GPR4: variants seen among roughly 807,000 people sequenced by gnomAD.
The protein encoded by GPR4 is G-prodeshotein coupled receptor 4.
In GPR4, 11 loss-of-function variants were observed where a neutral mutation model predicts 17.8. That is an observed-to-expected ratio of 0.62 (90% CI 0.39 to 1.02). The LOEUF (loss-of-function observed/expected upper bound fraction) is 1.02. Ranked by LOEUF, GPR4 falls within the 50% of genes least tolerant of loss-of-function variation. The pLI is 0.00. For synonymous variants in GPR4, 219 were observed against 222.8 expected (o/e 0.98, Z 0.15); for missense variants, 364 against 495.4 (o/e 0.73, Z 2.52).
At chr19:45,601,745 G>C (rs2122553137) in intron 1 of GPR4, among the ~76,000 whole-genome samples, 1 of 152,218 alleles carries the variant, frequency 6.6e-6, no homozygotes, top group Admixed American at 6.5e-5. Context: ...TCCCACAACA[G>C]ACGGGGGTGA....
chr19:45,598,528 C>A (rs1163158920), intron 1 of GPR4, among the ~76,000 whole-genome samples: 1 of 152,158 alleles, frequency 6.6e-6, no homozygotes, highest in East Asian at 1.9e-4. Context: ...TCCTCCCCAA[C>A]CTGCTGGCAT....
rs1468170445 is a variant in GPR4 at position 45,589,847 on chromosome 19, T to C, written c.*931A>G. On this transcript the variant is annotated 3_prime_UTR_variant, in exon 2 of 2. Transcript: ENST00000323040. ...AGGCAAGGCCAGGCTGCCTCAGTCA[T>C]TGTTGTGTCCCCAGCCCCACCCAGC... 6.6e-6 allele frequency: 1 copy of C among 152,346 alleles called. No individual in the cohort carries two copies. Among genetic ancestry groups the C allele is most frequent in the Admixed American group, 6.5e-5 (1 of 15,280 alleles). The allele number at this position is 152,346 out of a possible 1,614,324, so 9.4% of individuals were successfully genotyped here. A position where few individuals can be genotyped will look rare whatever the true frequency, so the allele number is the denominator to read the frequency against.
In GPR4 at chr19:45,591,177, G is replaced by C. The variant is rs756153167; in HGVS notation, c.690C>G (p.Ile230Met). ...AKIKRLALSL[I>M]AIVLVCFAPY... ...GCGCAAAGCAGACCAGCACGATGGC[G>C]ATGAGGCTGAGGGCCAGCCGCTTGA... Residue 230 changes from isoleucine (I) to methionine (M), a missense_variant, in exon 2 of 2, where the codon ATC (isoleucine) becomes ATG (methionine). Physicochemically the swap from Ile to Met is conservative, Grantham distance 10. Around this residue, in one of 3 missense-constraint regions of GPR4, gnomAD observed 271 missense variants for 373.1 expected, o/e 0.73. Transcript: ENST00000323040. This position sits in a 1 kb window ranked among gnomAD's most constrained non-coding sequence, Gnocchi z 7.6. The C allele has an allele frequency of 6.2e-7, 1 of 1,613,600 alleles. No homozygotes were observed. The highest frequency in any genetic ancestry group is 8.5e-7 in the Non-Finnish European group (1 of 1,180,000).
At chr19:45,594,055 A>T (rs1970027159) in intron 1 of GPR4, among the ~76,000 whole-genome samples, 1 of 35,468 alleles carries the variant, frequency 2.8e-5, no homozygotes, top group African/African-American at 2.6e-4. Flanking sequence ...TTAAAAAAAA[A>T]AAAAAAAAAT....
At chr19:45,597,067 A>G (rs945528437) in intron 1 of GPR4, among the ~76,000 whole-genome samples, 1 of 149,842 alleles carries the variant, frequency 6.7e-6, no homozygotes, top group Non-Finnish European at 1.5e-5. Context: ...CTCAGTCTGG[A>G]ATGCTCTTTT....
chr19:45,592,026 G>T lies in GPR4; in HGVS notation c.-160C>A. On this transcript the variant is annotated 5_prime_UTR_variant, in exon 2 of 2. Coordinates refer to ENST00000323040, the MANE Select transcript of GPR4 (RefSeq NM_005282.3). ...GGAAGAGATGAGGTTGGGTAGGCTG[G>T]GCTGGGCTGGGAAGGGCAGAGCTTG... 1.4e-6 allele frequency: 1 copy of T among 691,990 alleles called. No individual in the cohort carries two copies. The highest frequency in any genetic ancestry group is 2.3e-6 in the Non-Finnish European group (1 of 432,352). 42.9% of individuals were successfully genotyped at this position (691,990 alleles called of 1,614,324 possible).
chr19:45,591,081 C>T lies in GPR4; in HGVS notation c.786G>A (p.Glu262=), dbSNP rs1439750022. 6.2e-7 allele frequency: 1 copy of T among 1,613,912 alleles called. No individual in the cohort carries two copies. The change falls in exon 2 of 2, where the codon GAG becomes GAA. Residue 262 remains glutamate, a synonymous_variant. Transcript: ENST00000323040. The surrounding 1 kb of genome is among the most constrained non-coding windows in gnomAD (Gnocchi z 7.6). The stretch of plus-strand genomic sequence containing the variant: ...AGCTGTGGTATGCAGAAAAGACGCG[C>T]TCCTCGAAGCCGCAGTCCCAGGGGC... ...LGRPWDCGFE[E]RVFSAYHSSL... is the part of the protein sequence containing the mutation.
chr19:45,595,273 C>T (rs1970045203), intron 1 of GPR4, among the ~76,000 whole-genome samples: 1 of 131,870 alleles, frequency 7.6e-6, no homozygotes, highest in African/African-American at 2.9e-5. Flanking sequence ...CGAACTCCAT[C>T]TCTAAATAAA....
At chr19:45,597,513 G>A (rs1970069794) in intron 1 of GPR4, among the ~76,000 whole-genome samples, 1 of 152,164 alleles carries the variant, frequency 6.6e-6, no homozygotes, top group Non-Finnish European at 1.5e-5. Flanking sequence ...GGTTGTCCAG[G>A]AGGGCAGAGA....
chr19:45,597,468 C>T (rs1225907048), intron 1 of GPR4, among the ~76,000 whole-genome samples: 3 of 152,178 alleles, frequency 2.0e-5, no homozygotes, highest in African/African-American at 4.8e-5. Context: ...CTCCTCACAT[C>T]ACCCTGTTTT....
intron 1 of GPR4, among the ~76,000 whole-genome samples, chr19:45,595,395 G>A (rs956924716): frequency 1.3e-5 from 2 of 152,090 alleles, no homozygotes; most frequent in Non-Finnish European, 2.9e-5. Context: ...TAAGGGAAAG[G>A]GGAGAGCCAG....
intron 1 of GPR4, among the ~76,000 whole-genome samples, chr19:45,598,082 C>A (rs553901231): frequency 6.6e-6 from 1 of 152,138 alleles, no homozygotes; most frequent in Admixed American, 6.6e-5. Flanking sequence ...CCTCTGCCCT[C>A]TCTCTCCCCA....
At chr19:45,602,009 G>T (rs1167945157) in intron 1 of GPR4, 86 bp downstream of exon 1, 1 of 152,372 alleles carries the variant, frequency 6.6e-6, no homozygotes, top group East Asian at 1.9e-4. Context: ...CCCCGAGGGG[G>T]CGGGGAGGAG....
At chr19:45,594,077 T>TATATATATATATTTG (rs1555738335) in intron 1 of GPR4, among the ~76,000 whole-genome samples, 2 of 90,386 alleles carry the variant, frequency 2.2e-5, no homozygotes, top group African/African-American at 1.2e-4. Flanking sequence ...TATATATATA[T>TATATATATATATTTG]ATATATATAT....
intron 1 of GPR4, among the ~76,000 whole-genome samples, chr19:45,593,252 G>C (rs1226166196): frequency 7.2e-6 from 1 of 139,244 alleles, no homozygotes; most frequent in African/African-American, 2.7e-5. Context: ...TGTAATCCCA[G>C]AACTTTGGGA....
intron 1 of GPR4, among the ~76,000 whole-genome samples, chr19:45,595,316 TAAAAAATA>T (rs1283913574): frequency 2.9e-4 from 39 of 135,678 alleles, no homozygotes; most frequent in South Asian, 1.4e-3. Context: ...AATAAATAAA[TAAAAAATA>T]ACTGGACAGA....
Position 45,591,740 on chromosome 19 carries a change from A to G in GPR4, c.127T>C (p.Tyr43His). 6.2e-7 allele frequency: 1 copy of G among 1,613,934 alleles called. No individual in the cohort carries two copies. The highest frequency in any genetic ancestry group is 8.5e-7 in the Non-Finnish European group (1 of 1,179,956). ...PTNCLALWAA[Y>H]RQVQQRNELG... The stretch of plus-strand genomic sequence containing the variant: ...TCGTTGCGCTGTTGCACCTGGCGGT[A>G]GGCCGCCCACAGAGCCAGGCAGTTG... The change falls in exon 2 of 2, where the codon TAC becomes CAC. Residue 43 changes from tyrosine to histidine, a missense_variant. By Grantham distance (83) the Tyr-to-His change is moderately conservative. Coordinates refer to ENST00000323040, the MANE Select transcript of GPR4 (RefSeq NM_005282.3). The surrounding 1 kb of genome is among the most constrained non-coding windows in gnomAD (Gnocchi z 7.6).
chr19:45,594,096 A>ATTTT (rs1970032510), intron 1 of GPR4, among the ~76,000 whole-genome samples: 2 of 106,568 alleles, frequency 1.9e-5, no homozygotes, highest in Admixed American at 1.0e-4. Context: ...ATATATATAA[A>ATTTT]ATAGATGCAG....
At position 45,590,838 on chromosome 19, in the gene GPR4, C is replaced by T. The variant is rs369757213; in HGVS notation, c.1029G>A (p.Ala343=). The T allele has an allele frequency of 2.9e-5, 46 of 1,610,378 alleles. No individual in the cohort carries two copies. Among genetic ancestry groups the T allele is most frequent in the Middle Eastern group, 1.6e-4 (1 of 6,064 alleles). The change falls in exon 2 of 2, where the codon GCG becomes GCA. Residue 343 remains alanine, a synonymous_variant. Coordinates refer to ENST00000323040, the MANE Select transcript of GPR4 (RefSeq NM_005282.3). ...STAKAMTGSW[A]ATPPSQGDQV... ...GGTCCCCCTGGGAGGGCGGAGTGGC[C>T]GCCCAGCTGCCAGTCATGGCTTTGG... is the stretch of plus-strand genomic sequence containing the variant.
Sources: allele counts gnomAD v4.1 joint callset (sites outside exome capture counted in the v4.1 genomes callset), GRCh38; gene constraint gnomAD v4.1.1; regional missense constraint gnomAD v4.1.1; non-coding constraint Gnocchi (gnomAD v3.1); transcripts MANE v1.5; gene names NCBI Gene and HGNC (gene_info 2026-07-23, HGNC 2026-07-21).